The following HEATR5B variants were observed in gnomAD, a reference collection of about 807,000 sequenced individuals.
HEATR5B encodes the protein HEAT repeat-containing protein 5B.
HEATR5B carries 156 observed loss-of-function variants against 224.1 expected under a neutral mutation model. The ratio of observed to expected loss-of-function variants is 0.70; its 90% CI spans 0.61 to 0.80. HEATR5B has a LOEUF of 0.80. Among genes scored for constraint, HEATR5B ranks in the 30% least tolerant of loss-of-function variants. The probability of loss-of-function intolerance (pLI) is 0.00; values close to 1 mark genes in which losing one functional copy is unlikely to be tolerated. For missense variants in HEATR5B, 2,323 were observed against 2,535.5 expected, an observed-to-expected ratio of 0.92 and a Z score of 1.80; for synonymous variants, 1,027 against 893.0, an observed-to-expected ratio of 1.15 and a Z score of -2.68.
At chr2:37,082,997 G>A (rs1672705886) in intron 2 of HEATR5B, among the ~76,000 whole-genome samples, 1 of 152,054 alleles carries the variant, frequency 6.6e-6, no homozygotes, top group Admixed American at 6.5e-5. Context: ...AGGCAGCATA[G>A]AGAGATCACT....
intron 7 of HEATR5B, 24 bp downstream of exon 7, chr2:37,070,206 C>CT (rs1260215399): frequency 6.2e-7 from 1 of 1,612,388 alleles, no homozygotes; most frequent in South Asian, 1.1e-5. Flanking sequence ...GGCCAAAATT[C>CT]TTTCACACAT....
At position 37,028,191 on chromosome 2, in the gene HEATR5B, GA is replaced by G; in HGVS notation, c.3602-18del. 6.5e-7 allele frequency: 1 copy of G among 1,549,158 alleles called. No homozygotes were observed. On this transcript the variant is annotated intron_variant, in intron 23 of 35. Transcript: ENST00000233099. The stretch of plus-strand genomic sequence containing the variant: ...TACTCATATCTATAACAAGAATAAG[GA>G]ATATTGTAACAATCTCACATAAGCA...
intron 27 of HEATR5B, among the ~76,000 whole-genome samples, chr2:37,009,406 T>G (rs1202146074): frequency 6.6e-6 from 1 of 151,140 alleles, no homozygotes; most frequent in Non-Finnish European, 1.5e-5. Flanking sequence ...AGACCCTATC[T>G]CTACAAAAAA....
At chr2:37,000,885 A>G in intron 32 of HEATR5B, 72 bp from the exon 33 acceptor site, 4 of 1,013,586 alleles carry the variant, frequency 3.9e-6, no homozygotes, top group Non-Finnish European at 5.9e-6. Context: ...CATTGCTTGT[A>G]TTTTTTGCAT....
intron 7 of HEATR5B, among the ~76,000 whole-genome samples, chr2:37,069,362 T>C (rs77836655): frequency 0.014 from 2,122 of 152,350 alleles, 42 homozygotes; most frequent in African/African-American, 0.049. Context: ...GGTACAGTTA[T>C]GATTTTGACT....
rs750955507 is a variant in HEATR5B, at chr2:37,070,405, T to C, written c.770-18A>G. The C allele has an allele frequency of 6.2e-7, 1 of 1,604,894 alleles. No homozygotes were observed. The highest frequency in any genetic ancestry group is 2.2e-5 in the East Asian group (1 of 44,774). Reference sequence around the variant, plus strand: ...ACGCATTACTTTCAAGAAGAAAAATTAAAGTATAAGCAAATATATTTCTGA... The same window carrying C: ...ACGCATTACTTTCAAGAAGAAAAATCAAAGTATAAGCAAATATATTTCTGA... On this transcript the variant is annotated intron_variant, in intron 6 of 35. Transcript: ENST00000233099.
intron 23 of HEATR5B, among the ~76,000 whole-genome samples, chr2:37,028,473 A>G (rs960239097): frequency 5.9e-5 from 9 of 152,106 alleles, no homozygotes; most frequent in African/African-American, 1.9e-4. Context: ...AAAATTTTGA[A>G]ATATATTTTC....
At chr2:37,046,319 A>C (rs138459617) in intron 18 of HEATR5B, among the ~76,000 whole-genome samples, 281 of 152,212 alleles carry the variant, frequency 1.8e-3, no homozygotes, top group African/African-American at 6.5e-3. Flanking sequence ...GCTATCCACA[A>C]CCAGACTTCT....
At chr2:37,043,700 T>G (rs1371046804) in intron 18 of HEATR5B, among the ~76,000 whole-genome samples, 2 of 152,262 alleles carry the variant, frequency 1.3e-5, no homozygotes, top group East Asian at 3.8e-4. Flanking sequence ...CCCAGGATTC[T>G]CAGTTTAGGG....
intron 2 of HEATR5B, among the ~76,000 whole-genome samples, chr2:37,079,910 T>C (rs1357292640): frequency 6.6e-6 from 1 of 152,164 alleles, no homozygotes; most frequent in East Asian, 1.9e-4. Context: ...CCTGCCCTCA[T>C]TAAGTTTACA....
chr2:37,072,420 A>C (rs2148590840), intron 5 of HEATR5B, 139 bp from the exon 6 acceptor site: 3 of 577,898 alleles, frequency 5.2e-6, no homozygotes, highest in Non-Finnish European at 9.1e-6. Context: ...TTTTCAAGAC[A>C]CTGGACATCA....
rs749311615 is a variant in HEATR5B, at chr2:37,058,559, T to A, written c.1951A>T (p.Ile651Phe). The change falls in exon 14 of 36, where the codon ATT (isoleucine) becomes TTT (phenylalanine). Residue 651 changes from isoleucine to phenylalanine, a missense_variant and splice_region_variant. Transcript: ENST00000233099. ...IECAMTMMSH[I>F]PSVMKAHGAH... ...CCATGGGCTTTCATTACAGATGGAA[T>A]GCTAAAATATCAAAAACATAGTTGG... 9 of 1,595,476 alleles carry A rather than the reference T, an allele frequency of 5.6e-6. No individual in the cohort carries two copies. Among genetic ancestry groups the A allele is most frequent in the Non-Finnish European group, 7.7e-6 (9 of 1,163,512 alleles).
chr2:37,028,627 A>G (rs1020803210), intron 23 of HEATR5B, 54 bp downstream of exon 23: 10 of 1,455,830 alleles, frequency 6.9e-6, no homozygotes, highest in African/African-American at 4.2e-5. Context: ...CTATATGTAT[A>G]TATCAGAAGT....
At chr2:37,082,853 C>G (rs1333423681) in intron 2 of HEATR5B, among the ~76,000 whole-genome samples, 5 of 152,020 alleles carry the variant, frequency 3.3e-5, no homozygotes, top group Non-Finnish European at 7.3e-5. Context: ...TCCTCTAGCG[C>G]CGCTAGGTTA....
At chr2:37,078,170 A>C (rs1672348810) in intron 3 of HEATR5B, among the ~76,000 whole-genome samples, 1 of 152,196 alleles carries the variant, frequency 6.6e-6, no homozygotes, top group Non-Finnish European at 1.5e-5. Flanking sequence ...CGCTCCAACA[A>C]ATAAAAATAA....
At chr2:37,013,046 A>G (rs915206838) in intron 27 of HEATR5B, among the ~76,000 whole-genome samples, 8 of 152,242 alleles carry the variant, frequency 5.3e-5, no homozygotes, top group African/African-American at 1.9e-4. Context: ...AGCTGAAGCT[A>G]AACAACACTT....
intron 18 of HEATR5B, among the ~76,000 whole-genome samples, chr2:37,043,050 A>G (rs1307554156): frequency 2.0e-5 from 3 of 152,172 alleles, no homozygotes; most frequent in African/African-American, 7.2e-5. Context: ...AACAACATAC[A>G]TATCTCAACT....
At chr2:36,981,950 A>G (rs1399810257) in intron 35 of HEATR5B, among the ~76,000 whole-genome samples, 156 bp from the exon 36 acceptor site, 1 of 151,964 alleles carries the variant, frequency 6.6e-6, no homozygotes, top group Non-Finnish European at 1.5e-5. Flanking sequence ...AATATTAAAT[A>G]TTTACTAAAT....
intron 19 of HEATR5B, among the ~76,000 whole-genome samples, chr2:37,040,837 CT>C: frequency 6.6e-6 from 1 of 151,484 alleles, no homozygotes; most frequent in Non-Finnish European, 1.5e-5. Context: ...AAAAAAAAAA[CT>C]TGATCAAGCT....
Sources: allele counts gnomAD v4.1 joint callset (sites outside exome capture counted in the v4.1 genomes callset), GRCh38; gene constraint gnomAD v4.1.1; transcripts MANE v1.5; gene names NCBI Gene and HGNC (gene_info 2026-07-23, HGNC 2026-07-21).